DLGAP1: variants seen among roughly 807,000 people sequenced by gnomAD.
DLGAP1 encodes disks large-associated protein 1.
DLGAP1 carries 11 observed loss-of-function variants against 90.8 expected under a neutral mutation model. The observed-to-expected ratio is 0.12, with a 90% CI of 0.08 to 0.20. The LOEUF (loss-of-function observed/expected upper bound fraction) is 0.20. DLGAP1 is among the 10% of genes least tolerant of loss of function. The pLI is 1.00. For missense variants in DLGAP1, 1,050 were observed against 1,333.8 expected (o/e 0.79, Z 3.31); for synonymous variants, 558 against 540.7 (o/e 1.03, Z -0.44).
At chr18:3,618,440 C>T (rs2057961256) in intron 7 of DLGAP1, among the ~76,000 whole-genome samples, 1 of 151,968 alleles carries the variant, frequency 6.6e-6, no homozygotes, top group Non-Finnish European at 1.5e-5. Context: ...TTTATTTCCA[C>T]TGTGTCCAGG....
At chr18:3,650,518 C>T (rs1242994235) in intron 7 of DLGAP1, among the ~76,000 whole-genome samples, 3 of 152,168 alleles carry the variant, frequency 2.0e-5, no homozygotes, top group Admixed American at 6.5e-5. Context: ...AGTAAAGATA[C>T]ATCTGAGAAG....
chr18:4,437,326 A>G (rs1027526032), intron 1 of DLGAP1, among the ~76,000 whole-genome samples: 1 of 152,214 alleles, frequency 6.6e-6, no homozygotes, highest in African/African-American at 2.4e-5. Context: ...TAAATAATTG[A>G]TCAATTAACA....
At chr18:3,958,543 A>G (rs1400538639) in intron 3 of DLGAP1, among the ~76,000 whole-genome samples, 1 of 151,740 alleles carries the variant, frequency 6.6e-6, no homozygotes, top group Non-Finnish European at 1.5e-5. Context: ...CAAGAAAACA[A>G]ATGAAAGATT....
chr18:4,250,910 C>G (rs1214293111), intron 1 of DLGAP1, among the ~76,000 whole-genome samples: 2 of 151,590 alleles, frequency 1.3e-5, no homozygotes, highest in Non-Finnish European at 2.9e-5. Context: ...AAGTCAGCTA[C>G]TATATTCAAT....
At chr18:4,296,534 C>T (rs977121693) in intron 1 of DLGAP1, among the ~76,000 whole-genome samples, 1 of 152,204 alleles carries the variant, frequency 6.6e-6, no homozygotes, top group Admixed American at 6.5e-5. Context: ...GTTAGTTCAT[C>T]CTCCTTCAAC....
At chr18:3,514,422 G>T (rs1413634536) in intron 10 of DLGAP1, among the ~76,000 whole-genome samples, 1 of 152,180 alleles carries the variant, frequency 6.6e-6, no homozygotes, top group African/African-American at 2.4e-5. Context: ...AGACACCCCT[G>T]CAATGGATTA....
intron 2 of DLGAP1, among the ~76,000 whole-genome samples, chr18:4,050,426 A>G (rs891829060): frequency 5.3e-5 from 8 of 152,242 alleles, no homozygotes. Flanking sequence ...AGGTATATGC[A>G]GGATAGGTAT....
At chr18:4,004,860 T>C (rs1042217998) in intron 3 of DLGAP1, among the ~76,000 whole-genome samples, 8 of 151,932 alleles carry the variant, frequency 5.3e-5, no homozygotes, top group Admixed American at 2.6e-4. Context: ...TATATTATGG[T>C]TCCATAAAAA....
intron 7 of DLGAP1, among the ~76,000 whole-genome samples, chr18:3,669,897 G>A (rs1342350086): frequency 5.9e-5 from 9 of 152,114 alleles, no homozygotes; most frequent in Non-Finnish European, 1.0e-4. Context: ...TGCGACACAC[G>A]ACCACTGGGG....
chr18:4,089,347 GAATA>G (rs2075733032), intron 2 of DLGAP1, among the ~76,000 whole-genome samples: 1 of 152,126 alleles, frequency 6.6e-6, no homozygotes, highest in Non-Finnish European at 1.5e-5. Flanking sequence ...TGGATAGGAA[GAATA>G]AATATTGTGA....
At chr18:3,959,669 A>AAGAAAG (rs2073158719) in intron 3 of DLGAP1, among the ~76,000 whole-genome samples, 5 of 149,206 alleles carry the variant, frequency 3.4e-5, no homozygotes, top group Non-Finnish European at 7.4e-5. Context: ...GTCTCAAAAA[A>AAGAAAG]AAAGAAAGAA....
intron 1 of DLGAP1, among the ~76,000 whole-genome samples, chr18:4,320,619 G>C (rs1254745451): frequency 1.3e-5 from 2 of 151,798 alleles, no homozygotes; most frequent in African/African-American, 4.8e-5. Context: ...ACAATCAAAA[G>C]CTCTGATTTT....
chr18:3,890,033 G>T (rs1361978041), intron 3 of DLGAP1, among the ~76,000 whole-genome samples: 1 of 152,166 alleles, frequency 6.6e-6, no homozygotes, highest in Non-Finnish European at 1.5e-5. Context: ...GTCATCTGCA[G>T]CAGAACCAAG....
chr18:3,709,746 C>T (rs2061544586), intron 7 of DLGAP1, among the ~76,000 whole-genome samples: 1 of 152,132 alleles, frequency 6.6e-6, no homozygotes, highest in Non-Finnish European at 1.5e-5. Context: ...AGCCCTGCAC[C>T]CGGGGTTTGG....
intron 1 of DLGAP1, among the ~76,000 whole-genome samples, chr18:4,297,415 C>T (rs1568497530): frequency 1.3e-5 from 2 of 152,156 alleles, no homozygotes; most frequent in Middle Eastern, 3.4e-3. Flanking sequence ...AACTTTATGC[C>T]TAAAACTTAT....
intron 3 of DLGAP1, among the ~76,000 whole-genome samples, chr18:3,952,342 G>C (rs1431841901): frequency 6.6e-6 from 1 of 152,176 alleles, no homozygotes; most frequent in African/African-American, 2.4e-5. Context: ...TGGTACTCTG[G>C]CTCATTGGGA....
chr18:3,777,463 C>T (rs1487148414), intron 5 of DLGAP1, among the ~76,000 whole-genome samples: 6 of 151,998 alleles, frequency 3.9e-5, no homozygotes, highest in Non-Finnish European at 8.8e-5. Context: ...GAAGAATACG[C>T]GGATGTGGCT....
At chr18:3,930,001 C>T (rs1411767547) in intron 3 of DLGAP1, among the ~76,000 whole-genome samples, 2 of 152,202 alleles carry the variant, frequency 1.3e-5, no homozygotes, top group African/African-American at 4.8e-5. Flanking sequence ...GCAAAGCTTA[C>T]AGTGTCACCA....
chr18:4,313,420 T>A (rs1232817956), intron 1 of DLGAP1, among the ~76,000 whole-genome samples: 2 of 152,156 alleles, frequency 1.3e-5, no homozygotes, highest in African/African-American at 4.8e-5. Flanking sequence ...CAGTTAGCCA[T>A]GCAGCTACAT....
Sources: allele counts gnomAD v4.1 joint callset (sites outside exome capture counted in the v4.1 genomes callset), GRCh38; gene constraint gnomAD v4.1.1; transcripts MANE v1.5; gene names NCBI Gene and HGNC (gene_info 2026-07-23, HGNC 2026-07-21).